The following CD33 variants were observed in gnomAD, a reference collection of about 807,000 sequenced individuals.
CD33 encodes CD33 molecule.
Under a neutral mutation model 31.4 loss-of-function variants are expected in CD33, and 25 were observed. The observed-to-expected ratio is 0.80, with a 90% CI of 0.58 to 1.11. CD33 has a LOEUF of 1.11. Ranked by LOEUF, CD33 falls within the 50% of genes most tolerant of loss-of-function variation. CD33 has a pLI of 0.00. For synonymous variants in CD33, 176 were observed against 180.6 expected (o/e 0.97, Z 0.20); for missense variants, 407 against 448.1 (o/e 0.91, Z 0.83).
chr19:51,214,188 G>T, the CD33 span, among the ~76,000 whole-genome samples: 293 of 106,764 alleles, frequency 2.7e-3, no homozygotes, highest in Middle Eastern at 0.025. Flanking sequence ...TTTTTTTTTT[G>T]TTTCTTTTCT....
At chr19:51,222,993 T>C (rs1215747157), upstream of CD33, among the ~76,000 whole-genome samples, 1 of 152,152 alleles carries the variant, frequency 6.6e-6, no homozygotes, top group Non-Finnish European at 1.5e-5. Flanking sequence ...GTGGGAGGAT[T>C]GCTTGAACCC....
At chr19:51,231,088 T>G (rs954992932) in intron 4 of CD33, among the ~76,000 whole-genome samples, 1 of 152,164 alleles carries the variant, frequency 6.6e-6, no homozygotes, top group Non-Finnish European at 1.5e-5. Flanking sequence ...GTATCTTGAG[T>G]GAAAAGAACT....
upstream of CD33, among the ~76,000 whole-genome samples, chr19:51,222,338 A>G (rs781568122): frequency 1.3e-5 from 2 of 152,178 alleles, no homozygotes; most frequent in Non-Finnish European, 2.9e-5. Flanking sequence ...CAGTTTGGCA[A>G]TTCCTACTAA....
chr19:51,231,279 G>A (rs1037520642), intron 4 of CD33, among the ~76,000 whole-genome samples: 17 of 152,022 alleles, frequency 1.1e-4, no homozygotes, highest in African/African-American at 4.1e-4. Flanking sequence ...CCAGAGCTCG[G>A]GGCCTTCACA....
chr19:51,217,588 G>C, the CD33 span, among the ~76,000 whole-genome samples: 1 of 151,616 alleles, frequency 6.6e-6, no homozygotes, highest in African/African-American at 2.4e-5. Context: ...TTTTGTTGTT[G>C]TTGTATTTTT....
the CD33 span, among the ~76,000 whole-genome samples, chr19:51,213,261 A>G: frequency 1.3e-5 from 2 of 151,988 alleles, no homozygotes; most frequent in Non-Finnish European, 2.9e-5. Flanking sequence ...TTCACATAAC[A>G]TTAAATTCAC....
Position 51,239,752 on chromosome 19 carries a change from G to C in CD33, c.*64G>C, listed in dbSNP as rs1237535867. Reference sequence around the variant, plus strand: ...CATCCTCTACAGGTCGGGGACCAAAGGCTGATTCTTGGAGATTTAACACCC... The same window carrying C: ...CATCCTCTACAGGTCGGGGACCAAACGCTGATTCTTGGAGATTTAACACCC... On this transcript the variant is annotated 3_prime_UTR_variant, in exon 7 of 7. Transcript: ENST00000262262. 3.1e-5 allele frequency: 43 copies of C among 1,408,482 alleles called. No homozygotes were observed. The highest frequency in any genetic ancestry group is 4.2e-5 in the Non-Finnish European group (43 of 1,035,676). The allele number at this position is 1,408,482 out of a possible 1,614,324, so 87.2% of individuals were successfully genotyped here.
the CD33 span, chr19:51,211,339 C>T: frequency 6.4e-7 from 1 of 1,558,892 alleles, no homozygotes; most frequent in Non-Finnish European, 8.8e-7. Flanking sequence ...TTTCTCAGTT[C>T]ATGGTTACTG....
At chr19:51,229,156 G>A (rs1246144975) in intron 4 of CD33, among the ~76,000 whole-genome samples, 1 of 152,144 alleles carries the variant, frequency 6.6e-6, no homozygotes, top group African/African-American at 2.4e-5. Flanking sequence ...GTGATCATAC[G>A]GTTTATGTCC....
chr19:51,231,292 C>T (rs114815788), intron 4 of CD33, among the ~76,000 whole-genome samples: 10 of 152,366 alleles, frequency 6.6e-5, no homozygotes, highest in African/African-American at 2.4e-4. Flanking sequence ...CCTTCACAGC[C>T]TCCATACTAG....
At position 51,225,310 on chromosome 19, in the gene CD33, T is replaced by C; in HGVS notation, c.130T>C (p.Phe44Leu). The C allele has an allele frequency of 6.2e-7, 1 of 1,614,198 alleles. No individual in the cohort carries two copies. The highest frequency in any genetic ancestry group is 8.5e-7 in the Non-Finnish European group (1 of 1,180,018). ...GTGCGTCCTCGTGCCCTGCACTTTC[T>C]TCCATCCCATACCCTACTACGACAA... is the stretch of plus-strand genomic sequence containing the variant. Reference protein sequence around the residue: ...GLCVLVPCTFFHPIPYYDKNS... With the variant: ...GLCVLVPCTFLHPIPYYDKNS... The change falls in exon 2 of 7, where the codon TTC becomes CTC. Residue 44 changes from phenylalanine to leucine, a missense_variant. Physicochemically the swap from Phe to Leu is conservative, Grantham distance 22. Coordinates refer to ENST00000262262, the MANE Select transcript of CD33 (RefSeq NM_001772.4).
In CD33 at chr19:51,225,846, A is replaced by G. The variant is rs756846340; in HGVS notation, c.462A>G (p.Glu154=). The G allele has an allele frequency of 2.5e-6, 4 of 1,612,962 alleles. No individual in the cohort carries two copies. Among genetic ancestry groups the G allele is most frequent in the Admixed American group, 3.3e-5 (2 of 59,906 alleles). ...RPKILIPGTL[E]PGHSKNLTCS... ...AAATCCTCATCCCTGGCACTCTAGA[A>G]CCCGGCCACTCCAAAAACCTGACCT... Residue 154 remains glutamate, a synonymous_variant, in exon 3 of 7, where the codon GAA becomes GAG. Coordinates refer to ENST00000262262, the MANE Select transcript of CD33 (RefSeq NM_001772.4).
At chr19:51,217,066 A>G in the CD33 span, among the ~76,000 whole-genome samples, 1 of 152,206 alleles carries the variant, frequency 6.6e-6, no homozygotes, top group African/African-American at 2.4e-5. Context: ...CCTGCAGGCC[A>G]CACAGGAACC....
At chr19:51,227,671 C>G (rs1036130342) in intron 4 of CD33, among the ~76,000 whole-genome samples, 1 of 152,030 alleles carries the variant, frequency 6.6e-6, no homozygotes, top group African/African-American at 2.4e-5. Flanking sequence ...CTGTAGGTTG[C>G]CTTTTCACTC....
intron 4 of CD33, among the ~76,000 whole-genome samples, chr19:51,232,556 G>GT (rs1234205919): frequency 6.6e-6 from 1 of 152,116 alleles, no homozygotes; most frequent in Non-Finnish European, 1.5e-5. Context: ...TTGCTTGATT[G>GT]TGTCCCATGA....
chr19:51,225,924 G>T lies in CD33; in HGVS notation c.540G>T (p.Leu180Phe), dbSNP rs1449486432. ...EQGTPPIFSW[L>F]SAAPTSLGPR... The stretch of plus-strand genomic sequence containing the variant: ...GAACACCCCCGATCTTCTCCTGGTT[G>T]TCAGCTGCCCCCACCTCCCTGGGCC... The change falls in exon 3 of 7, where the codon TTG (leucine) becomes TTT (phenylalanine). Residue 180 changes from leucine (L) to phenylalanine (F), a missense_variant. Leu to Phe is a conservative substitution (Grantham distance 22, BLOSUM62 0). Coordinates refer to ENST00000262262, the MANE Select transcript of CD33 (RefSeq NM_001772.4). 1.2e-6 allele frequency: 2 copies of T among 1,614,016 alleles called. No individual in the cohort carries two copies. Among genetic ancestry groups the T allele is most frequent in the Admixed American group, 3.3e-5 (2 of 60,010 alleles).
chr19:51,215,666 T>A, the CD33 span, among the ~76,000 whole-genome samples: 1 of 152,110 alleles, frequency 6.6e-6, no homozygotes, highest in Non-Finnish European at 1.5e-5. Context: ...CCCATGTCCA[T>A]CCCCAAACCC....
chr19:51,237,971 G>A (rs79762549), intron 6 of CD33: 2 of 152,274 alleles, frequency 1.3e-5, no homozygotes, highest in East Asian at 3.9e-4. Context: ...TGAAGGTGGA[G>A]TCAACAGTAT....
intron 4 of CD33, among the ~76,000 whole-genome samples, chr19:51,228,304 A>G (rs939917118): frequency 6.6e-6 from 1 of 152,176 alleles, no homozygotes; most frequent in Non-Finnish European, 1.5e-5. Flanking sequence ...GAAGAATTAC[A>G]TTGATATTTT....
Sources: allele counts gnomAD v4.1 joint callset (sites outside exome capture counted in the v4.1 genomes callset), GRCh38; gene constraint gnomAD v4.1.1; transcripts MANE v1.5; gene names NCBI Gene and HGNC (gene_info 2026-07-23, HGNC 2026-07-21).